The following OPLAH variants were observed in gnomAD, a reference collection of about 807,000 sequenced individuals.
OPLAH encodes 5-oxoprolinase, ATP-hydrolysing, also known as 5-oxoprolinase.
Under a neutral mutation model 122.8 loss-of-function variants are expected in OPLAH, and 103 were observed. The observed-to-expected ratio is 0.84, with a 90% CI of 0.71 to 0.99. The LOEUF is 0.99. Ranked by LOEUF, OPLAH falls within the 50% of genes least tolerant of loss-of-function variation. The pLI, the probability that OPLAH is intolerant of heterozygous loss-of-function variation, is 0.00. For synonymous variants in OPLAH, 875 were observed against 796.0 expected, an observed-to-expected ratio of 1.10 and a Z score of -1.67; for missense variants, 1,902 against 1,836.5, an observed-to-expected ratio of 1.04 and a Z score of -0.65.
rs561629750 is a variant in OPLAH, at chr8:144,057,355, C to A, written c.1423-35G>T. ...CAGAAGGGGTCAGTGGGCTCTCCTA[C>A]TCTACCCCATCCAGCCCCCAGCCTG... On this transcript the variant is annotated intron_variant, in intron 10 of 26. Coordinates refer to ENST00000618853, the MANE Select transcript of OPLAH (RefSeq NM_017570.5). 6 of 1,592,484 alleles carry A rather than the reference C, an allele frequency of 3.8e-6. No individual in the cohort carries two copies. The African/African-American group carries it at 6.7e-5, about 18-fold the overall frequency.
rs782287046 is a variant in OPLAH at position 144,052,268 on chromosome 8, G to T, written c.3362C>A (p.Ala1121Glu). ...NAHMGYYETV[A>E]GGAGAGPSWH... ...GCTGGGACCCGCGCCCGCGCCGCCC[G>T]CCACCGTCTCGTAGTAGCCCATGTG... Residue 1121 changes from alanine to glutamate, a missense_variant, in exon 24 of 27, where the codon GCG becomes GAG. By Grantham distance (107) the Ala-to-Glu change is moderately radical (BLOSUM62 -1). This residue lies in a region of OPLAH where 1,726 missense variants were observed against 1,642.1 expected (regional missense o/e 1.05). Transcript: ENST00000618853. 2 of 1,537,134 alleles carry T rather than the reference G, an allele frequency of 1.3e-6. No individual in the cohort carries two copies. The highest frequency in any genetic ancestry group is 1.7e-6 in the Non-Finnish European group (2 of 1,146,564).
Position 144,058,977 on chromosome 8 carries a change from C to T in OPLAH, c.463+3G>A. ...AATCCCACAGCAGCGGCGGCACACA[C>T]ACCTTTCACAGGCGTCCCGGTGCCC... On this transcript the variant is annotated splice_donor_region_variant and intron_variant, in intron 4 of 26. Coordinates refer to ENST00000618853, the MANE Select transcript of OPLAH (RefSeq NM_017570.5). 6.4e-7 allele frequency: 1 copy of T among 1,562,606 alleles called. No individual in the cohort carries two copies. Among genetic ancestry groups the T allele is most frequent in the Non-Finnish European group, 8.7e-7 (1 of 1,155,080 alleles).
rs926144432 is a variant in OPLAH, at chr8:144,051,939, G to A, written c.3599C>T (p.Ala1200Val). Residue 1200 changes from alanine to valine, a missense_variant, in exon 25 of 27, where the codon GCC (alanine) becomes GTC (valine). Transcript: ENST00000618853. Reference sequence around the variant, plus strand: ...ACCGTGGAGCCCGTATGGCCGGAAGGCGCGGCGCTCGGTCAGCACTGACAG... The same window carrying A: ...ACCGTGGAGCCCGTATGGCCGGAAGACGCGGCGCTCGGTCAGCACTGACAG... ...ALLSVLTERR[A>V]FRPYGLHGGE... 6 of 1,544,016 alleles carry A rather than the reference G, an allele frequency of 3.9e-6. No individual in the cohort carries two copies. Among genetic ancestry groups the A allele is most frequent in the Non-Finnish European group, 5.2e-6 (6 of 1,152,620 alleles).
At position 144,052,085 on chromosome 8, in the gene OPLAH, G is replaced by A. The variant is rs148291810; in HGVS notation, c.3462-9C>T. The A allele has an allele frequency of 0.031, 48,279 of 1,577,552 alleles. 845 individuals carry two copies. Among genetic ancestry groups the A allele is most frequent in the Middle Eastern group, 0.036 (216 of 5,978 alleles). On this transcript the variant is annotated splice_polypyrimidine_tract_variant and intron_variant, in intron 24 of 26. Coordinates refer to ENST00000618853, the MANE Select transcript of OPLAH (RefSeq NM_017570.5). ...GCAGGATGACCGGGTACCTGCGAGG[G>A]CGAGGACGAGGGCAAAGACTCAGCG...
chr8:144,057,754 AGG>A, intron 9 of OPLAH, 41 bp from the exon 10 acceptor site: 1 of 1,609,752 alleles, frequency 6.2e-7, no homozygotes. Context: ...GGCTGGAGGC[AGG>A]GGAGCAGGAG....
chr8:144,059,650 G>A lies in OPLAH; in HGVS notation c.312C>T (p.Phe104=), dbSNP rs1564294628. ...GGGTGCCAATGTGCAGCAGGTCTCG[G>A]AAGCCACGTGTCACCAGCAGCGCCA... is the stretch of plus-strand genomic sequence containing the variant. ...ERVALLVTRG[F]RDLLHIGTQA... The change falls in exon 3 of 27, where the codon TTC becomes TTT. Residue 104 remains phenylalanine, a synonymous_variant. Coordinates refer to ENST00000618853, the MANE Select transcript of OPLAH (RefSeq NM_017570.5). The A allele has an allele frequency of 4.3e-6, 7 of 1,612,488 alleles. 1 individual carries two copies. In the South Asian group the frequency reaches 4.4e-5, roughly 10 times the overall value.
Position 144,052,808 on chromosome 8 carries a change from G to A in OPLAH, c.3111C>T (p.Tyr1037=). 2 of 1,562,344 alleles carry A rather than the reference G, an allele frequency of 1.3e-6. No individual in the cohort carries two copies. Among genetic ancestry groups the A allele is most frequent in the East Asian group, 2.4e-5 (1 of 41,476 alleles). The part of the protein sequence containing the change: ...PRAVTLSALI[Y]CLRCLVGRDI... ...CGCGGCCCACCAGACAGCGCAGGCAGTAGATGAGGGCGGACAGGGTTACGG... is the reference window on the plus strand; with the variant it reads ...CGCGGCCCACCAGACAGCGCAGGCAATAGATGAGGGCGGACAGGGTTACGG... Residue 1037 remains tyrosine, a synonymous_variant, in exon 22 of 27, where the codon TAC becomes TAT. Transcript: ENST00000618853.
chr8:144,057,852 T>C lies in OPLAH; in HGVS notation c.1156+4A>G, dbSNP rs145866799. On this transcript the variant is annotated splice_donor_region_variant and intron_variant, in intron 9 of 26. Transcript: ENST00000618853. ...GGCCAGGCCGGCCAGATCCTGACTC[T>C]TACCTTTGCGGTAGCAGGCGGGTCC... 448 of 1,610,710 alleles carry C rather than the reference T, an allele frequency of 2.8e-4. 7 individuals carry two copies. The African/African-American group carries it at 5.0e-3, about 18-fold the overall frequency.
rs1554757693 is a variant in OPLAH, at chr8:144,051,727, A to G, written c.3720+2T>C. ...GGGGACAGGACAGGCCGCGGCCCTT[A>G]CCCCGGGGTACACGGTCACCGACGT... On this transcript the variant is annotated splice_donor_variant, in intron 26 of 26. Transcript: ENST00000618853. LOFTEE classifies it high-confidence loss of function. 1 of 1,594,244 alleles carries G rather than the reference A, an allele frequency of 6.3e-7. No individual in the cohort carries two copies. The highest frequency in any genetic ancestry group is 1.1e-5 in the South Asian group (1 of 88,854).
At position 144,058,889 on chromosome 8, in the gene OPLAH, C is replaced by T. The variant is rs145079111; in HGVS notation, c.471G>A (p.Thr157=). The T allele has an allele frequency of 6.2e-4, 966 of 1,550,172 alleles. 5 individuals carry two copies. The African/African-American group carries it at 0.011, about 18-fold the overall frequency. The change falls in exon 5 of 27, where the codon ACG becomes ACA. Residue 157 remains threonine, a synonymous_variant. Coordinates refer to ENST00000618853, the MANE Select transcript of OPLAH (RefSeq NM_017570.5). ...GCTGCTGCACTTCCAGCAGGTCCCC[C>T]GTGCGGCCTTCCAGAAAAGCCCAGG... ...AGTGTPVKGR[T]GDLLEVQQPV...
At position 144,057,202 on chromosome 8, in the gene OPLAH, G is replaced by A; in HGVS notation, c.1535+6C>T. 1.2e-6 allele frequency: 2 copies of A among 1,610,426 alleles called. No individual in the cohort carries two copies. The highest frequency in any genetic ancestry group is 2.2e-5 in the East Asian group (1 of 44,836). On this transcript the variant is annotated splice_donor_region_variant and intron_variant, in intron 11 of 26. Coordinates refer to ENST00000618853, the MANE Select transcript of OPLAH (RefSeq NM_017570.5). ...ACCACCTCCGTGCACCCACACCCAG[G>A]CCCACCTGTGGATGTGCACCGTGTC... is the stretch of plus-strand genomic sequence containing the variant.
chr8:144,052,736 G>GC (rs781901004), intron 22 of OPLAH, 30 bp downstream of exon 22: 148 of 1,556,630 alleles, frequency 9.5e-5, no homozygotes, highest in Middle Eastern at 1.8e-4. Context: ...TCGGGCTGGG[G>GC]CCCCCCCTCG....
rs1835486316 is a variant in OPLAH, at chr8:144,055,334, GTGTGCCCACTTGGCCACGTCTTAGCCTA to G, written c.2249-173_2249-146del. On this transcript the variant is annotated intron_variant, in intron 16 of 26. Transcript: ENST00000618853. The surrounding 1 kb of genome is among the most constrained non-coding windows in gnomAD (Gnocchi z 6.5). ...TTTCCTGGGGAAGACCAAGTTGACG[GTGTGCCCACTTGGCCACGTCTTAGCCTA>G]TGTAAAGGACACCACCTTCCCCAGC... The G allele has an allele frequency of 3.6e-6, 3 of 840,994 alleles. No homozygotes were observed. The highest frequency in any genetic ancestry group is 5.1e-6 in the Non-Finnish European group (3 of 587,922). The allele number at this position is 840,994 out of a possible 1,614,324, so 52.1% of individuals were successfully genotyped here.
chr8:144,059,864 G>A lies in OPLAH; in HGVS notation c.169C>T (p.Gln57Ter), dbSNP rs199718844. 2.5e-5 allele frequency: 41 copies of A among 1,612,566 alleles called. No homozygotes were observed. Among genetic ancestry groups the A allele is most frequent in the Non-Finnish European group, 3.4e-5 (40 of 1,179,800 alleles). Reference protein sequence around the residue: ...PTEGIRRILEQEAGMLLPRDQ... With the variant: ...PTEGIRRILE ...CCACCCGCTCCGCCCTGGCCCACCTGCTCCAGGATGCGGCGGATGCCTTCG... is the reference window on the plus strand; with the variant it reads ...CCACCCGCTCCGCCCTGGCCCACCTACTCCAGGATGCGGCGGATGCCTTCG... The change falls in exon 2 of 27, where the codon CAG becomes TAG. Residue 57 changes from glutamine to a stop codon, truncating the protein, a stop_gained and splice_region_variant. Transcript: ENST00000618853. LOFTEE classifies it high-confidence loss of function.
rs1554758234 is a variant in OPLAH at position 144,053,412 on chromosome 8, C to T, written c.2687-19G>A. On this transcript the variant is annotated intron_variant, in intron 19 of 26. Coordinates refer to ENST00000618853, the MANE Select transcript of OPLAH (RefSeq NM_017570.5). ...GTCACCGCTGGATGGACAGTGTCAT[C>T]ACTGAGCCCCTGGCCAACCCTGTCT... 6.3e-7 allele frequency: 1 copy of T among 1,591,954 alleles called. No homozygotes were observed. Among genetic ancestry groups the T allele is most frequent in the Non-Finnish European group, 8.6e-7 (1 of 1,168,752 alleles).
In OPLAH at chr8:144,053,102, T is replaced by C; in HGVS notation, c.2899A>G (p.Met967Val). 3.7e-6 allele frequency: 6 copies of C among 1,606,624 alleles called. No individual in the cohort carries two copies. Among genetic ancestry groups the C allele is most frequent in the Non-Finnish European group, 4.2e-6 (5 of 1,177,122 alleles). The change falls in exon 21 of 27, where the codon ATG becomes GTG. Residue 967 changes from methionine to valine, a missense_variant. By Grantham distance (21) the Met-to-Val change is conservative (BLOSUM62 1). Transcript: ENST00000618853. ...QANAELAVRD[M>V]LRAFGTSRQA... ...CGGGAGGTTCCAAAGGCACGCAACA[T>C]GTCTCGCACGGCCAGCTCAGCGTTT...
In OPLAH at chr8:144,057,446, A is replaced by T; in HGVS notation, c.1422+2T>A. 1 of 1,582,834 alleles carries T rather than the reference A, an allele frequency of 6.3e-7. No homozygotes were observed. Among genetic ancestry groups the T allele is most frequent in the Non-Finnish European group, 8.6e-7 (1 of 1,164,704 alleles). ...CAGGCGGGAGAGCAGAGGTGGACGT[A>T]CCTGCGTGAGTGCACGGATGGGCCG... On this transcript the variant is annotated splice_donor_variant, in intron 10 of 26. Transcript: ENST00000618853. LOFTEE classifies it high-confidence loss of function.
At chr8:144,051,254 C>T, downstream of OPLAH, 1 of 1,591,750 alleles carries the variant, frequency 6.3e-7, no homozygotes, top group Non-Finnish European at 8.5e-7. Flanking sequence ...AGACACGACT[C>T]GGAGCACGAA....
At position 144,053,386 on chromosome 8, in the gene OPLAH, C is replaced by T. The variant is rs782112445; in HGVS notation, c.2694G>A (p.Thr898=). 15 of 1,608,824 alleles carry T rather than the reference C, an allele frequency of 9.3e-6. No homozygotes were observed. The highest frequency in any genetic ancestry group is 2.2e-5 in the East Asian group (1 of 44,880). The change falls in exon 20 of 27, where the codon ACG becomes ACA. Residue 898 remains threonine (T), a synonymous_variant. Coordinates refer to ENST00000618853, the MANE Select transcript of OPLAH (RefSeq NM_017570.5). ...CCTTGCCTGGCGCCCGCAGGGCCTC[C>T]GTCACCGCTGGATGGACAGTGTCAT... The part of the protein sequence containing the change: ...QGGVFQEEAV[T]EALRAPGKVP...
Sources: allele counts gnomAD v4.1 joint callset, GRCh38; gene constraint gnomAD v4.1.1; regional missense constraint gnomAD v4.1.1; non-coding constraint Gnocchi (gnomAD v3.1); transcripts MANE v1.5; gene names NCBI Gene and HGNC (gene_info 2026-07-23, HGNC 2026-07-21).